IQSEC2: variants seen among roughly 807,000 people sequenced by gnomAD.
The protein encoded by IQSEC2 is IQ motif and Sec7 domain ArfGEF 2.
In IQSEC2, 6 loss-of-function variants were observed where a neutral mutation model predicts 74.6. The observed-to-expected ratio is 0.08, with a 90% CI of 0.04 to 0.16. The LOEUF is 0.16. IQSEC2 is among the 10% of genes least tolerant of loss of function. The pLI is 1.00. For synonymous variants in IQSEC2, 494 were observed against 544.5 expected (o/e 0.91, Z 1.29); for missense variants, 734 against 1,306.2 (o/e 0.56, Z 6.75).
chrX:53,247,992 G>T, intron 7 of IQSEC2, 122 bp downstream of exon 7: 1 of 891,281 alleles, frequency 1.1e-6, no homozygotes, highest in Non-Finnish European at 1.6e-6. Context: ...TGCAAGATAG[G>T]ATTTATCATC....
In IQSEC2 at chrX:53,234,096, G is replaced by A; in HGVS notation, c.*123C>T. 1 of 317,735 alleles carries A rather than the reference G, an allele frequency of 3.1e-6. No individual in the cohort carries two copies. The highest frequency in any genetic ancestry group is 5.6e-6 in the Non-Finnish European group (1 of 177,630). The allele number at this position is 317,735 out of a possible 1,213,427, so 26.2% of individuals were successfully genotyped here. On this transcript the variant is annotated 3_prime_UTR_variant, in exon 15 of 15. Transcript: ENST00000642864. The stretch of plus-strand genomic sequence containing the variant: ...CGGGTCCCAAGGCAGGGAGGACATG[G>A]GGAGGAGGACATTGCTATGTGTATA...
intron 2 of IQSEC2, among the ~76,000 whole-genome samples, chrX:53,283,792 A>C (rs2074999209): frequency 8.9e-6 from 1 of 112,242 alleles, no homozygotes; most frequent in African/African-American, 3.2e-5. Flanking sequence ...TGGATACAGC[A>C]GTGACTACAG....
At chrX:53,320,339 G>C (rs1041533575) in intron 1 of IQSEC2, 78 bp downstream of exon 1, 13 of 925,946 alleles carry the variant, frequency 1.4e-5, no homozygotes, top group African/African-American at 8.0e-5. Context: ...CCAGACACTG[G>C]CTTCTTACTC....
At chrX:53,320,329 C>G (rs947294582) in intron 1 of IQSEC2, 88 bp downstream of exon 1, 2 of 877,928 alleles carry the variant, frequency 2.3e-6, no homozygotes, top group Non-Finnish European at 3.2e-6. Context: ...AGACACGGAA[C>G]CAGACACTGG....
intron 1 of IQSEC2, among the ~76,000 whole-genome samples, chrX:53,309,814 T>C (rs1172235727): frequency 2.7e-5 from 3 of 111,947 alleles, no homozygotes; most frequent in Non-Finnish European, 5.6e-5. Context: ...AAAAAAGAAA[T>C]CAACAAAGAT....
intron 2 of IQSEC2, among the ~76,000 whole-genome samples, chrX:53,291,029 G>T (rs1402651064): frequency 8.9e-6 from 1 of 112,190 alleles, no homozygotes; most frequent in East Asian, 2.8e-4. Context: ...GGGAAAGACT[G>T]TACCCATCTG....
At chrX:53,262,659 A>G (rs1245592081) in intron 2 of IQSEC2, among the ~76,000 whole-genome samples, 3 of 111,865 alleles carry the variant, frequency 2.7e-5, no homozygotes, top group African/African-American at 9.8e-5. Context: ...TTCTTCTGCA[A>G]GCTAGTTCTG....
At chrX:53,306,059 T>C (rs1262596332) in intron 1 of IQSEC2, among the ~76,000 whole-genome samples, 3 of 112,714 alleles carry the variant, frequency 2.7e-5, no homozygotes, top group Non-Finnish European at 5.6e-5. Context: ...CTCCTCTCTC[T>C]GCTGGAGGCA....
chrX:53,304,630 A>G (rs1426391436), intron 1 of IQSEC2, among the ~76,000 whole-genome samples: 1 of 112,043 alleles, frequency 8.9e-6, no homozygotes, highest in Non-Finnish European at 1.9e-5. Flanking sequence ...TTACATTTTG[A>G]AGAGAAGAAA....
At chrX:53,271,536 T>C (rs2074745301) in intron 2 of IQSEC2, among the ~76,000 whole-genome samples, 1 of 111,699 alleles carries the variant, frequency 9.0e-6, no homozygotes, top group Admixed American at 9.5e-5. Context: ...GTTTATATCA[T>C]CTGACACTTC....
intron 1 of IQSEC2, among the ~76,000 whole-genome samples, chrX:53,317,699 C>A (rs1038475340): frequency 1.8e-5 from 2 of 112,296 alleles, no homozygotes; most frequent in East Asian, 5.6e-4. Flanking sequence ...AGCCTGTACC[C>A]GCTCTACCTA....
intron 2 of IQSEC2, chrX:53,266,621 C>G (rs2074661173): frequency 1.2e-6 from 1 of 807,167 alleles, no homozygotes; most frequent in African/African-American, 2.3e-5. Context: ...ATTTGGAGAC[C>G]TCTCCAGTAG....
chrX:53,302,709 G>C (rs782629871), intron 1 of IQSEC2, among the ~76,000 whole-genome samples: 5 of 112,066 alleles, frequency 4.5e-5, no homozygotes, highest in Non-Finnish European at 9.4e-5. Context: ...AAGCCAAGGC[G>C]GGAGGACCGC....
At chrX:53,318,807 C>T (rs782430663) in intron 1 of IQSEC2, among the ~76,000 whole-genome samples, 2 of 113,081 alleles carry the variant, frequency 1.8e-5, no homozygotes, top group African/African-American at 3.2e-5. Flanking sequence ...TGCAGCCAGG[C>T]TCGACCATAC....
At chrX:53,232,179 T>C (rs1556858483), downstream of IQSEC2, among the ~76,000 whole-genome samples, 2 of 112,339 alleles carry the variant, frequency 1.8e-5, no homozygotes, top group Admixed American at 1.9e-4. Context: ...CCATCCTGAC[T>C]TGCTGAGTGG....
chrX:53,265,756 T>C (rs1556867515), intron 2 of IQSEC2, among the ~76,000 whole-genome samples: 1 of 111,726 alleles, frequency 9.0e-6, no homozygotes, highest in East Asian at 2.8e-4. Flanking sequence ...GGTCGTTGCA[T>C]TGGAGGGAAA....
chrX:53,254,399 C>A, intron 4 of IQSEC2, 131 bp downstream of exon 4: 1 of 533,769 alleles, frequency 1.9e-6, no homozygotes, highest in Non-Finnish European at 3.0e-6. Flanking sequence ...AGTCCCAACT[C>A]AAATGGTAGC....
chrX:53,254,169 A>G (rs781796799), intron 4 of IQSEC2, among the ~76,000 whole-genome samples: 4 of 109,957 alleles, frequency 3.6e-5, no homozygotes, highest in Non-Finnish European at 5.7e-5. Flanking sequence ...TGTCTCTACT[A>G]AAAATACAAA....
intron 2 of IQSEC2, among the ~76,000 whole-genome samples, chrX:53,256,867 G>A (rs909399899): frequency 3.6e-4 from 40 of 112,412 alleles, no homozygotes; most frequent in Admixed American, 3.5e-3. Context: ...GAGTCTCCAC[G>A]CGTGGCAGGA....
Sources: allele counts gnomAD v4.1 joint callset (sites outside exome capture counted in the v4.1 genomes callset), GRCh38; gene constraint gnomAD v4.1.1; transcripts MANE v1.5; gene names NCBI Gene and HGNC (gene_info 2026-07-23, HGNC 2026-07-21).